The following ANKFY1 variants were observed in gnomAD, a reference collection of about 807,000 sequenced individuals.
ANKFY1 encodes ankyrin repeat and FYVE domain-containing protein 1.
In ANKFY1, 47 loss-of-function variants were observed where a neutral mutation model predicts 128.3. The ratio of observed to expected loss-of-function variants is 0.37; its 90% confidence interval spans 0.29 to 0.47. The LOEUF is 0.47. Among genes scored for constraint, ANKFY1 ranks in the 20% least tolerant of loss-of-function variants. The pLI, the probability that ANKFY1 is intolerant of heterozygous loss-of-function variation, is 1.00. For missense variants in ANKFY1, 1,222 were observed against 1,510.6 expected (o/e 0.81, Z 3.17); for synonymous variants, 553 against 601.6 (o/e 0.92, Z 1.18).
At chr17:4,263,487 C>CA in intron 1 of ANKFY1, 3 of 1,083,442 alleles carry the variant, frequency 2.8e-6, no homozygotes, top group East Asian at 4.6e-5. Flanking sequence ...CACCTCACCC[C>CA]AACCCAGCCC....
At chr17:4,226,112 ATAAATG>A (rs1050393275) in intron 3 of ANKFY1, among the ~76,000 whole-genome samples, 1 of 152,258 alleles carries the variant, frequency 6.6e-6, no homozygotes, top group Non-Finnish European at 1.5e-5. Flanking sequence ...AGTCATAATT[ATAAATG>A]TAAATGTACA....
chr17:4,251,728 G>A (rs1026996331), intron 1 of ANKFY1, among the ~76,000 whole-genome samples: 2 of 151,986 alleles, frequency 1.3e-5, no homozygotes, highest in African/African-American at 4.8e-5. Flanking sequence ...CACAGACTGG[G>A]AGAAAATATG....
intron 1 of ANKFY1, among the ~76,000 whole-genome samples, chr17:4,256,117 A>G (rs910861417): frequency 1.9e-4 from 28 of 149,374 alleles, no homozygotes; most frequent in African/African-American, 6.6e-4. Flanking sequence ...CGCCCAGCCC[A>G]CAAATATGGA....
chr17:4,173,541 C>G (rs559798243), intron 20 of ANKFY1, 97 bp from the exon 21 acceptor site: 31 of 1,177,328 alleles, frequency 2.6e-5, no homozygotes, highest in African/African-American at 6.1e-5. Flanking sequence ...AAATGGGACC[C>G]GGCCACAGCA....
At chr17:4,262,786 A>C (rs1047994683) in intron 1 of ANKFY1, among the ~76,000 whole-genome samples, 2 of 152,218 alleles carry the variant, frequency 1.3e-5, no homozygotes, top group Non-Finnish European at 2.9e-5. Flanking sequence ...ACTGGGTGTC[A>C]GTCACAGCTA....
chr17:4,221,819 G>T (rs2060318864), intron 3 of ANKFY1, among the ~76,000 whole-genome samples: 1 of 152,180 alleles, frequency 6.6e-6, no homozygotes, highest in Non-Finnish European at 1.5e-5. Flanking sequence ...GTTTCGCCAT[G>T]TTGGTCAGGC....
intron 5 of ANKFY1, among the ~76,000 whole-genome samples, chr17:4,209,273 T>G (rs2060082741): frequency 6.6e-6 from 1 of 152,184 alleles, no homozygotes; most frequent in Non-Finnish European, 1.5e-5. Flanking sequence ...CAGGTGATGC[T>G]TCCAAGCCTG....
Position 4,263,843 on chromosome 17 carries a change from C to G in ANKFY1, c.10+89G>C, listed in dbSNP as rs1004943390. 28 of 1,611,670 alleles carry G rather than the reference C, an allele frequency of 1.7e-5. No homozygotes were observed. The Admixed American group carries it at 4.5e-4, about 26-fold the overall frequency. ...CGCGGAGCCCCCATGCAACCACGCC[C>G]GGCCTTCCCCTCCCACGGCAGCTTC... is the stretch of plus-strand genomic sequence containing the variant. On this transcript the variant is annotated intron_variant, in intron 1 of 24. Transcript: ENST00000341657.
chr17:4,220,225 T>G (rs1373616214), intron 3 of ANKFY1, among the ~76,000 whole-genome samples: 2 of 152,230 alleles, frequency 1.3e-5, no homozygotes, highest in Admixed American at 1.3e-4. Flanking sequence ...TCAGCTAAGC[T>G]GTCTAAGATC....
intron 8 of ANKFY1, 29 bp downstream of exon 8, chr17:4,197,344 A>G (rs1054329116): frequency 2.5e-6 from 4 of 1,610,702 alleles, no homozygotes; most frequent in Non-Finnish European, 3.4e-6. Context: ...GAACAGTGCT[A>G]AGGGCACAGT....
intron 8 of ANKFY1, among the ~76,000 whole-genome samples, chr17:4,196,212 G>A (rs895339976): frequency 1.4e-5 from 2 of 139,212 alleles, no homozygotes; most frequent in Non-Finnish European, 3.1e-5. Flanking sequence ...ATTGCCGTTG[G>A]AGGAAAAAAA....
intron 10 of ANKFY1, among the ~76,000 whole-genome samples, chr17:4,194,093 A>ATT (rs2059768904): frequency 4.8e-5 from 4 of 83,262 alleles, no homozygotes; most frequent in Admixed American, 2.9e-4. Context: ...GGCCATATAT[A>ATT]TATATATATA....
chr17:4,192,045 A>T (rs1299535450), intron 10 of ANKFY1, among the ~76,000 whole-genome samples: 3 of 34,260 alleles, frequency 8.8e-5, no homozygotes, highest in Admixed American at 6.2e-4. Context: ...TAATCTGGAG[A>T]CTCCTAGTTG....
intron 2 of ANKFY1, among the ~76,000 whole-genome samples, chr17:4,236,865 C>T (rs1020194687): frequency 9.2e-5 from 14 of 152,030 alleles, no homozygotes; most frequent in African/African-American, 2.4e-4. Flanking sequence ...CCAAGCCAGG[C>T]GTGGGGGCTC....
chr17:4,203,618 C>G (rs1269371044), intron 7 of ANKFY1, among the ~76,000 whole-genome samples: 1 of 151,738 alleles, frequency 6.6e-6, no homozygotes. Flanking sequence ...GAGTTCAAGA[C>G]CAGCCTGACC....
chr17:4,173,630 G>A (rs1178932021), intron 20 of ANKFY1, among the ~76,000 whole-genome samples, 186 bp from the exon 21 acceptor site: 3 of 152,222 alleles, frequency 2.0e-5, no homozygotes, highest in African/African-American at 7.2e-5. Context: ...TCTCATGATT[G>A]CTCTGTGCTG....
chr17:4,228,323 G>T (rs1216031007), intron 3 of ANKFY1, among the ~76,000 whole-genome samples: 2 of 152,060 alleles, frequency 1.3e-5, no homozygotes, highest in African/African-American at 4.8e-5. Flanking sequence ...ATGACTGAAA[G>T]CAGATCAGCA....
chr17:4,180,144 C>A (rs998755934), intron 16 of ANKFY1: 3 of 441,602 alleles, frequency 6.8e-6, no homozygotes, highest in African/African-American at 4.0e-5. Flanking sequence ...AGCCTGAGAA[C>A]CAGCCGGATG....
At chr17:4,255,839 C>G (rs570140025) in intron 1 of ANKFY1, among the ~76,000 whole-genome samples, 1 of 149,268 alleles carries the variant, frequency 6.7e-6, no homozygotes, top group South Asian at 2.1e-4. Flanking sequence ...TCTTTTGAAA[C>G]GGAGTCTCAC....
Sources: allele counts gnomAD v4.1 joint callset (sites outside exome capture counted in the v4.1 genomes callset), GRCh38; gene constraint gnomAD v4.1.1; transcripts MANE v1.5; gene names NCBI Gene and HGNC (gene_info 2026-07-23, HGNC 2026-07-21).